ADGRV1: variants seen among roughly 807,000 people sequenced by gnomAD.
ADGRV1 encodes the protein adhesion G protein-coupled receptor V1.
In ADGRV1, 359 loss-of-function variants were observed where a neutral mutation model predicts 596.2. The observed-to-expected ratio is 0.60, with a 90% confidence interval of 0.55 to 0.66. ADGRV1 has a LOEUF of 0.66. ADGRV1 is among the 30% of genes least tolerant of loss of function. ADGRV1 has a pLI of 0.00. For synonymous variants in ADGRV1, 2,681 were observed against 2,679.2 expected (o/e 1.00, Z -0.02); for missense variants, 7,274 against 7,575.6 (o/e 0.96, Z 1.48).
chr5:90,823,666 C>A, intron 76 of ADGRV1, 70 bp downstream of exon 76: 1 of 1,363,280 alleles, frequency 7.3e-7, no homozygotes, highest in East Asian at 2.4e-5. Flanking sequence ...ATTTTAAAAC[C>A]ACTATTGAAA....
chr5:90,909,898 A>AAAT, intron 83 of ADGRV1, among the ~76,000 whole-genome samples: 1 of 152,248 alleles, frequency 6.6e-6, no homozygotes, highest in African/African-American at 2.4e-5. Flanking sequence ...CATTTAAAAT[A>AAAT]TAAAATAAAT....
intron 50 of ADGRV1, among the ~76,000 whole-genome samples, chr5:90,731,141 TCA>T (rs1255663276): frequency 6.6e-6 from 1 of 152,172 alleles, no homozygotes; most frequent in African/African-American, 2.4e-5. Context: ...TTTAATTGAC[TCA>T]CAGTTCCACA....
At chr5:91,146,319 A>AATGAGAC in intron 87 of ADGRV1, among the ~76,000 whole-genome samples, 1 of 152,324 alleles carries the variant, frequency 6.6e-6, no homozygotes, top group East Asian at 1.9e-4. Context: ...TATACAGTAG[A>AATGAGAC]TCCTTTGTAG....
intron 83 of ADGRV1, among the ~76,000 whole-genome samples, chr5:90,923,371 T>A (rs1014273751): frequency 1.3e-5 from 2 of 152,046 alleles, no homozygotes; most frequent in Non-Finnish European, 2.9e-5. Context: ...ATTTAGAAAT[T>A]TTCTTTGAAA....
chr5:90,928,712 T>G (rs5769744), intron 83 of ADGRV1, among the ~76,000 whole-genome samples: 102,966 of 147,432 alleles, frequency 0.7, 36,418 homozygotes, highest in East Asian at 0.99. Flanking sequence ...GGCGCTCTGC[T>G]TTTTAGAGTT....
chr5:90,779,621 C>T (rs1758631694), intron 64 of ADGRV1: 1 of 152,224 alleles, frequency 6.6e-6, no homozygotes, highest in Admixed American at 6.5e-5. Flanking sequence ...ACCATGTTTT[C>T]AAGGAAGATA....
At chr5:91,057,018 T>C (rs1435982120) in intron 85 of ADGRV1, among the ~76,000 whole-genome samples, 5 of 152,348 alleles carry the variant, frequency 3.3e-5, no homozygotes, top group Middle Eastern at 6.8e-3. Flanking sequence ...TATTTAAGAA[T>C]GTATTCCATT....
rs527846066 is a variant in ADGRV1, at chr5:90,688,044, A to G, written c.6491-1817A>G. On this transcript the variant is annotated intron_variant, in intron 29 of 89. Transcript: ENST00000405460. ...TGACTTCACAGAATTGGAAAAAACT[A>G]CTTTAAAGTTCATATGGAACCAAAA... Among the ~76,000 whole-genome samples the G allele has an allele frequency of 1.3e-3, 200 of 152,198 alleles. 1 individual carries two copies. Among genetic ancestry groups the G allele is most frequent in the African/African-American group, 4.6e-3 (189 of 41,490 alleles).
At chr5:91,154,433 G>A (rs1022589391) in intron 89 of ADGRV1, among the ~76,000 whole-genome samples, 2 of 152,066 alleles carry the variant, frequency 1.3e-5, no homozygotes, top group Non-Finnish European at 2.9e-5. Flanking sequence ...AAATTCCTAA[G>A]AATAACAGCA....
At chr5:90,845,301 G>A (rs1765772092) in intron 78 of ADGRV1, among the ~76,000 whole-genome samples, 1 of 152,222 alleles carries the variant, frequency 6.6e-6, no homozygotes, top group Non-Finnish European at 1.5e-5. Context: ...CTCACAGGTT[G>A]TTGTGAAGAG....
intron 9 of ADGRV1, among the ~76,000 whole-genome samples, chr5:90,634,669 T>C (rs1357734064): frequency 1.3e-5 from 2 of 152,018 alleles, no homozygotes; most frequent in Non-Finnish European, 2.9e-5. Flanking sequence ...GGTAGTTGGA[T>C]GTAGGTGGCA....
chr5:91,080,975 ATTTTG>A (rs1789310012), intron 86 of ADGRV1, among the ~76,000 whole-genome samples: 1 of 151,936 alleles, frequency 6.6e-6, no homozygotes, highest in African/African-American at 2.4e-5. Context: ...TTTCTTCATG[ATTTTG>A]CCTGGTGTAT....
chr5:91,090,025 C>T (rs899120494), intron 86 of ADGRV1, among the ~76,000 whole-genome samples: 4 of 152,136 alleles, frequency 2.6e-5, no homozygotes, highest in African/African-American at 9.7e-5. Context: ...TGTTTTAGAA[C>T]TCTAATCTTC....
chr5:90,595,974 A>G (rs1446506017), intron 1 of ADGRV1, among the ~76,000 whole-genome samples: 1 of 127,772 alleles, frequency 7.8e-6, no homozygotes, highest in East Asian at 2.5e-4. Flanking sequence ...CCGGGCGGAG[A>G]GGCTCCTCAC....
At chr5:90,914,543 T>G (rs1036172819) in intron 83 of ADGRV1, among the ~76,000 whole-genome samples, 1 of 152,232 alleles carries the variant, frequency 6.6e-6, no homozygotes, top group Non-Finnish European at 1.5e-5. Flanking sequence ...AATTTTATGT[T>G]GAGTAAAACA....
chr5:90,623,219 A>T (rs1019215708), intron 5 of ADGRV1, among the ~76,000 whole-genome samples: 1 of 152,240 alleles, frequency 6.6e-6, no homozygotes, highest in Non-Finnish European at 1.5e-5. Context: ...TGTGTATACA[A>T]TGCTTACATG....
At chr5:91,122,783 TTC>T (rs1415566975) in intron 87 of ADGRV1, among the ~76,000 whole-genome samples, 1 of 152,242 alleles carries the variant, frequency 6.6e-6, no homozygotes, top group Non-Finnish European at 1.5e-5. Context: ...GCCAATGTTT[TTC>T]TCTTTCTCTT....
chr5:91,150,152 G>A lies in ADGRV1; in HGVS notation c.18555G>A (p.Gly6185=). 6.3e-7 allele frequency: 1 copy of A among 1,595,814 alleles called. No homozygotes were observed. Residue 6185 remains glycine (G), a synonymous_variant, in exon 88 of 90, where the codon GGG becomes GGA. Coordinates refer to ENST00000405460, the MANE Select transcript of ADGRV1 (RefSeq NM_032119.4). ...CCAGCACAGCCTTTTTCACGCCCGGGAGTGGAATGCCTCCTGCTGGAGGGG... is the reference window on the plus strand; with the variant it reads ...CCAGCACAGCCTTTTTCACGCCCGGAAGTGGAATGCCTCCTGCTGGAGGGG... ...PGPSTAFFTP[G]SGMPPAGGEI... is the part of the protein sequence containing the mutation.
intron 89 of ADGRV1, among the ~76,000 whole-genome samples, chr5:91,163,581 G>A (rs973110014): frequency 4.6e-5 from 7 of 152,062 alleles, no homozygotes; most frequent in East Asian, 1.9e-4. Flanking sequence ...AAATTAATCC[G>A]TACAATTTAA....
Sources: gnomAD v4.1 joint callset for allele counts (sites outside exome capture counted in the v4.1 genomes callset) on GRCh38, gnomAD v4.1.1 for gene constraint, MANE v1.5 for transcripts, NCBI Gene and HGNC (gene_info 2026-07-23, HGNC 2026-07-21) for gene names.